Variants in ACOXL observed in about 807,000 individuals in gnomAD.
ACOXL encodes the protein acyl-CoA oxidase like.
ACOXL carries 70 observed loss-of-function variants against 71.9 expected under a neutral mutation model. The ratio of observed to expected loss-of-function variants is 0.97; its 90% CI spans 0.80 to 1.19. The LOEUF (loss-of-function observed/expected upper bound fraction) is 1.19, where lower values mean the gene tolerates loss of function less well. Ranked by LOEUF, ACOXL falls within the 50% of genes most tolerant of loss-of-function variation. The pLI is 0.00. For synonymous variants in ACOXL, 253 were observed against 281.6 expected (o/e 0.90, Z 1.02); for missense variants, 703 against 736.3 (o/e 0.95, Z 0.52).
intron 11 of ACOXL, among the ~76,000 whole-genome samples, chr2:110,911,018 A>G (rs918536319): frequency 3.9e-5 from 6 of 152,116 alleles, no homozygotes; most frequent in Non-Finnish European, 7.4e-5. Context: ...CTATAACTGT[A>G]ACTTAATAGT....
chr2:110,859,666 C>T (rs1029998337), intron 10 of ACOXL, among the ~76,000 whole-genome samples: 4 of 152,114 alleles, frequency 2.6e-5, no homozygotes, highest in Non-Finnish European at 5.9e-5. Flanking sequence ...CTTGTGGAAT[C>T]GTATTTTAGG....
intron 11 of ACOXL, among the ~76,000 whole-genome samples, chr2:110,917,124 A>G (rs572626597): frequency 6.6e-5 from 10 of 152,336 alleles, no homozygotes; most frequent in Non-Finnish European, 7.3e-5. Context: ...TTCGAGGCCA[A>G]TATCCCTGAT....
At chr2:110,765,166 C>T (rs1456886381) in intron 1 of ACOXL, among the ~76,000 whole-genome samples, 1 of 152,154 alleles carries the variant, frequency 6.6e-6, no homozygotes, top group African/African-American at 2.4e-5. Context: ...ATGGTTTTCC[C>T]CTATAAGTAA....
chr2:110,880,490 G>A (rs1696508475), intron 10 of ACOXL, among the ~76,000 whole-genome samples: 1 of 152,192 alleles, frequency 6.6e-6, no homozygotes, highest in Non-Finnish European at 1.5e-5. Flanking sequence ...ACACACTTCT[G>A]TTTTTATGCT....
intron 16 of ACOXL, among the ~76,000 whole-genome samples, chr2:111,051,722 G>T (rs1222880480): frequency 1.3e-5 from 2 of 152,118 alleles, no homozygotes; most frequent in Non-Finnish European, 2.9e-5. Flanking sequence ...CACCCGCCTC[G>T]GCCTCCCAAA....
At chr2:110,857,526 G>T (rs904891518) in intron 10 of ACOXL, among the ~76,000 whole-genome samples, 5 of 152,108 alleles carry the variant, frequency 3.3e-5, no homozygotes, top group Non-Finnish European at 7.4e-5. Context: ...TGGAAATCTT[G>T]CTACACGTTT....
At chr2:111,052,395 T>A (rs962074233) in intron 16 of ACOXL, among the ~76,000 whole-genome samples, 10 of 152,076 alleles carry the variant, frequency 6.6e-5, no homozygotes, top group African/African-American at 2.2e-4. Flanking sequence ...GGCTTGTTAA[T>A]CACATCCTTG....
intron 10 of ACOXL, among the ~76,000 whole-genome samples, chr2:110,854,393 T>C (rs922629028): frequency 2.0e-5 from 3 of 152,084 alleles, no homozygotes; most frequent in Non-Finnish European, 2.9e-5. Context: ...GACTTGGGGA[T>C]TCAAACTCAG....
At chr2:111,092,552 G>T (rs2068584241) in intron 16 of ACOXL, among the ~76,000 whole-genome samples, 1 of 152,176 alleles carries the variant, frequency 6.6e-6, no homozygotes, top group Non-Finnish European at 1.5e-5. Flanking sequence ...GGCTAGAGGA[G>T]AACCAGGTAG....
At chr2:110,834,689 T>C (rs1050461341) in intron 9 of ACOXL, among the ~76,000 whole-genome samples, 1 of 152,252 alleles carries the variant, frequency 6.6e-6, no homozygotes, top group Admixed American at 6.5e-5. Flanking sequence ...GAGAGCTTCC[T>C]GCCTGCTCTC....
chr2:110,787,390 C>T (rs1307553141), intron 3 of ACOXL, among the ~76,000 whole-genome samples: 4 of 151,702 alleles, frequency 2.6e-5, no homozygotes, highest in African/African-American at 4.8e-5. Flanking sequence ...AAAAATTAGC[C>T]GGGCGTGGTG....
intron 16 of ACOXL, among the ~76,000 whole-genome samples, chr2:111,057,443 G>A (rs1321403026): frequency 6.6e-5 from 10 of 152,158 alleles, no homozygotes. Context: ...GACTTTACGG[G>A]CCTTCCAGTA....
intron 10 of ACOXL, among the ~76,000 whole-genome samples, chr2:110,904,665 G>A (rs533080417): frequency 2.0e-5 from 3 of 152,354 alleles, no homozygotes; most frequent in African/African-American, 7.2e-5. Flanking sequence ...GCCATGCCAC[G>A]CAGGGCCACA....
chr2:110,885,413 A>G (rs1029225500), intron 10 of ACOXL, among the ~76,000 whole-genome samples: 12 of 152,150 alleles, frequency 7.9e-5, no homozygotes, highest in Admixed American at 2.0e-4. Context: ...ACACATTTTC[A>G]TGTATCAGAA....
chr2:110,944,120 T>C (rs1195026048), intron 12 of ACOXL, among the ~76,000 whole-genome samples: 1 of 152,128 alleles, frequency 6.6e-6, no homozygotes, highest in Non-Finnish European at 1.5e-5. Flanking sequence ...TGCAGTGGCA[T>C]GATCTTGGCT....
intron 17 of ACOXL, among the ~76,000 whole-genome samples, chr2:111,105,421 G>T (rs1180220901): frequency 1.3e-5 from 2 of 151,760 alleles, no homozygotes; most frequent in African/African-American, 4.8e-5. Flanking sequence ...AATTTGAGGA[G>T]AAATTTCATC....
intron 12 of ACOXL, among the ~76,000 whole-genome samples, chr2:110,955,408 C>T (rs2061460812): frequency 6.7e-6 from 1 of 148,818 alleles, no homozygotes; most frequent in Non-Finnish European, 1.5e-5. Context: ...CTCCATCCCC[C>T]ACCCCCAGCT....
intron 10 of ACOXL, among the ~76,000 whole-genome samples, chr2:110,871,762 G>GTCTC (rs1237870725): frequency 6.6e-6 from 1 of 152,124 alleles, no homozygotes; most frequent in African/African-American, 2.4e-5. Flanking sequence ...ACGCTGAGAC[G>GTCTC]TCTCCCCTGA....
At chr2:110,755,984 C>T (rs1001678370) in intron 1 of ACOXL, among the ~76,000 whole-genome samples, 3 of 152,020 alleles carry the variant, frequency 2.0e-5, no homozygotes, top group African/African-American at 7.3e-5. Context: ...ATTCTCATCC[C>T]TTGTAGGGCA....
Sources: allele counts gnomAD v4.1 joint callset (sites outside exome capture counted in the v4.1 genomes callset), GRCh38; gene constraint gnomAD v4.1.1; transcripts MANE v1.5; gene names NCBI Gene and HGNC (gene_info 2026-07-23, HGNC 2026-07-21).